The following RAB33A variants were observed in gnomAD, a reference collection of about 807,000 sequenced individuals.
RAB33A encodes the protein ras-related protein Rab-33A.
In RAB33A, 6 loss-of-function variants were observed where a neutral mutation model predicts 12.0. The ratio of observed to expected loss-of-function variants is 0.50; its 90% CI spans 0.27 to 0.99. RAB33A has a LOEUF of 0.99. Among genes scored for constraint, RAB33A ranks in the 50% least tolerant of loss-of-function variants. RAB33A has a pLI of 0.11. For missense variants in RAB33A, 109 were observed against 192.0 expected (o/e 0.57, Z 2.55); for synonymous variants, 70 against 82.4 (o/e 0.85, Z 0.81).
chrX:130,120,769 T>G, the RAB33A span, among the ~76,000 whole-genome samples: 1 of 112,131 alleles, frequency 8.9e-6, no homozygotes, highest in African/African-American at 3.2e-5. Context: ...GTGGCCTTTT[T>G]CTCGCTACCC....
At chrX:130,150,497 G>A in the RAB33A span, among the ~76,000 whole-genome samples, 5 of 102,340 alleles carry the variant, frequency 4.9e-5, no homozygotes, top group Admixed American at 1.0e-4. Flanking sequence ...CACTATGCCC[G>A]GCTAATTTTT....
chrX:130,133,253 T>C, the RAB33A span: 1 of 1,194,202 alleles, frequency 8.4e-7, no homozygotes, highest in South Asian at 1.8e-5. Flanking sequence ...TAACTCTGTG[T>C]TATGGTCCTA....
the RAB33A span, among the ~76,000 whole-genome samples, chrX:130,148,695 T>C: frequency 9.3e-6 from 1 of 107,506 alleles, no homozygotes; most frequent in Non-Finnish European, 1.9e-5. Flanking sequence ...TAGCCAGGCA[T>C]GGTGGCACAC....
At chrX:130,133,337 G>A in the RAB33A span, 2 of 1,211,123 alleles carry the variant, frequency 1.7e-6, no homozygotes, top group South Asian at 1.8e-5. Context: ...ATGCCAGTAC[G>A]GCTTAGCAGC....
intron 1 of RAB33A, among the ~76,000 whole-genome samples, chrX:130,177,591 T>G (rs1214403297): frequency 9.0e-6 from 1 of 111,607 alleles, no homozygotes; most frequent in Admixed American, 9.5e-5. Flanking sequence ...GAGTGTATAT[T>G]AGGCACTGGG....
chrX:130,174,507 A>G lies in RAB33A; in HGVS notation c.258+2187A>G, dbSNP rs777723276. 8.0e-5 allele frequency among the ~76,000 whole-genome samples: 9 copies of G among 112,390 alleles called. No homozygotes were observed. The South Asian group carries it at 3.3e-3, about 41-fold the overall frequency. ...GCTAGCACGTGATCTAGATAAGAGA[A>G]GATTTGGCCTCGCACTCTGGCTAGC... On this transcript the variant is annotated intron_variant, in intron 1 of 1. Coordinates refer to ENST00000257017, the MANE Select transcript of RAB33A (RefSeq NM_004794.3).
At chrX:130,181,148 A>G (rs1352332655) in intron 1 of RAB33A, among the ~76,000 whole-genome samples, 3 of 109,709 alleles carry the variant, frequency 2.7e-5, no homozygotes, top group Non-Finnish European at 5.7e-5. Flanking sequence ...GCCGAGGGAC[A>G]CAGAAATCAG....
chrX:130,129,336 C>A, the RAB33A span: 1 of 431,829 alleles, frequency 2.3e-6, no homozygotes, highest in Non-Finnish European at 4.1e-6. Flanking sequence ...CCTTCACCCA[C>A]CTGCCCCCTT....
At chrX:130,139,626 T>A in the RAB33A span, among the ~76,000 whole-genome samples, 42 of 110,966 alleles carry the variant, frequency 3.8e-4, no homozygotes, top group African/African-American at 1.3e-3. Flanking sequence ...GAGTGAGGTA[T>A]CTGAGGTGCA....
chrX:130,133,488 A>AT, the RAB33A span: 1,456 of 1,192,378 alleles, frequency 1.2e-3, no homozygotes, highest in Non-Finnish European at 1.5e-3. Flanking sequence ...TGAACACATG[A>AT]TAAAAAAAAA....
the RAB33A span, among the ~76,000 whole-genome samples, chrX:130,150,570 C>G: frequency 9.5e-6 from 1 of 105,286 alleles, no homozygotes; most frequent in Non-Finnish European, 2.0e-5. Context: ...CTCCTGACCT[C>G]GTGATCTGCC....
the RAB33A span, among the ~76,000 whole-genome samples, chrX:130,158,276 AAG>A: frequency 8.9e-6 from 1 of 112,100 alleles, no homozygotes; most frequent in South Asian, 3.7e-4. Context: ...AAGAAAAAAA[AAG>A]AGAAAAAGAA....
chrX:130,132,685 G>A, the RAB33A span, among the ~76,000 whole-genome samples: 17 of 111,282 alleles, frequency 1.5e-4, no homozygotes, highest in Non-Finnish European at 2.8e-4. Flanking sequence ...TTAGAGGCAT[G>A]AGCAACCATA....
At chrX:130,158,766 T>C in the RAB33A span, among the ~76,000 whole-genome samples, 1 of 107,158 alleles carries the variant, frequency 9.3e-6, no homozygotes, top group African/African-American at 3.4e-5. Flanking sequence ...TTAAGAAAGT[T>C]TACAAATTTG....
chrX:130,172,394 TGTC>T (rs1350734229), intron 1 of RAB33A, 74 bp downstream of exon 1: 5 of 1,115,907 alleles, frequency 4.5e-6, no homozygotes, highest in Non-Finnish European at 5.9e-6. Context: ...CTCTAGCGGT[TGTC>T]GTCGTCCAGC....
chrX:130,129,437 A>C, the RAB33A span: 1 of 586,339 alleles, frequency 1.7e-6, no homozygotes, highest in Non-Finnish European at 3.0e-6. Flanking sequence ...AAATATTCAC[A>C]AAGGACTTGA....
At chrX:130,151,745 A>C in the RAB33A span, among the ~76,000 whole-genome samples, 14 of 112,554 alleles carry the variant, frequency 1.2e-4, 1 homozygote, top group Admixed American at 9.4e-5. Context: ...CATTTCTTTT[A>C]AGAAAGGGAC....
At chrX:130,142,505 C>T in the RAB33A span, among the ~76,000 whole-genome samples, 13 of 111,967 alleles carry the variant, frequency 1.2e-4, no homozygotes, top group Non-Finnish European at 2.4e-4. Context: ...AGCCTATTAA[C>T]ATGCTTGTCC....
At chrX:130,136,896 C>T in the RAB33A span, among the ~76,000 whole-genome samples, 2 of 111,116 alleles carry the variant, frequency 1.8e-5, no homozygotes, top group South Asian at 7.6e-4. Context: ...TTCAGCACTT[C>T]CAGGAATTTG....
Sources: gnomAD v4.1 joint callset for allele counts (sites outside exome capture counted in the v4.1 genomes callset) on GRCh38, gnomAD v4.1.1 for gene constraint, MANE v1.5 for transcripts, NCBI Gene and HGNC (gene_info 2026-07-23, HGNC 2026-07-21) for gene names.